Variants in ONECUT2 observed in about 807,000 individuals in gnomAD.
The protein encoded by ONECUT2 is one cut domain family member 2.
In ONECUT2, 10 loss-of-function variants were observed where a neutral mutation model predicts 27.9. That is an observed-to-expected ratio of 0.36 (90% confidence interval 0.22 to 0.61). The LOEUF is 0.61. ONECUT2 is among the 20% of genes least tolerant of loss of function. ONECUT2 has a pLI of 0.73. For missense variants in ONECUT2, 686 were observed against 721.0 expected (o/e 0.95, Z 0.56); for synonymous variants, 334 against 315.1 (o/e 1.06, Z -0.64).
chr18:57,445,333 G>A (rs142240303), intron 1 of ONECUT2, among the ~76,000 whole-genome samples: 1 of 152,228 alleles, frequency 6.6e-6, no homozygotes. Flanking sequence ...TAGAACTTTT[G>A]TTGTGGAGCA....
At position 57,486,292 on chromosome 18, in the gene ONECUT2, G is replaced by A. The variant is rs1439774870; in HGVS notation, c.*9569G>A. 1 of 152,594 alleles carries A rather than the reference G, an allele frequency of 6.6e-6. No individual in the cohort carries two copies. Among genetic ancestry groups the A allele is most frequent in the Non-Finnish European group, 1.5e-5 (1 of 68,070 alleles). The allele number at this position is 152,594 out of a possible 1,614,324, so 9.5% of individuals were successfully genotyped here. A position where few individuals can be genotyped will look rare whatever the true frequency, so the allele number is the denominator to read the frequency against. ...TCCTGTGAATACCTCAGCTTCAACT[G>A]GGCCTCCATACAGTCAGTTGGTGGG... is the stretch of plus-strand genomic sequence containing the variant. On this transcript the variant is annotated 3_prime_UTR_variant, in exon 2 of 2. Transcript: ENST00000491143.
Position 57,435,955 on chromosome 18 carries a change from G to T in ONECUT2, c.239G>T (p.Gly80Val). The stretch of plus-strand genomic sequence containing the variant: ...CGCGGCGCCGCTGGCTCGCTGCGGG[G>T]CCCTCCGCCGCCTCCAACCGCGCAC... The part of the protein sequence containing the change: ...AGRGAAGSLR[G>V]PPPPPTAHQE... The change falls in exon 1 of 2, where the codon GGC (glycine) becomes GTC (valine). Residue 80 changes from glycine to valine, a missense_variant. Coordinates refer to ENST00000491143, the MANE Select transcript of ONECUT2 (RefSeq NM_004852.3). 7.4e-7 allele frequency: 1 copy of T among 1,347,368 alleles called. No homozygotes were observed. Among genetic ancestry groups the T allele is most frequent in the South Asian group, 1.9e-5 (1 of 51,904 alleles). 83.5% of individuals were successfully genotyped at this position (1,347,368 alleles called of 1,614,324 possible).
intron 1 of ONECUT2, among the ~76,000 whole-genome samples, chr18:57,466,900 A>G (rs969210008): frequency 1.3e-5 from 2 of 152,186 alleles, no homozygotes; most frequent in South Asian, 2.1e-4. Context: ...TGCTGGAGAG[A>G]AGCAGAAGTA....
rs1403857646 is a variant in ONECUT2 at position 57,436,227 on chromosome 18, C to G, written c.511C>G (p.His171Asp). Residue 171 changes from histidine to aspartate, a missense_variant, in exon 1 of 2, where the codon CAC (histidine) becomes GAC (aspartate). This residue lies in a region of ONECUT2 where 511 missense variants were observed against 488.1 expected (regional missense o/e 1.05). Transcript: ENST00000491143. The surrounding 1 kb of genome is among the most constrained non-coding windows in gnomAD (Gnocchi z 5.9). The stretch of plus-strand genomic sequence containing the variant: ...CGTGTCTGACAAGTTCCACCACCCT[C>G]ACCCGCACCACCATCCGCACCACCA... ...STVSDKFHHP[H>D]PHHHPHHHHH... is the part of the protein sequence containing the mutation. 6.2e-7 allele frequency: 1 copy of G among 1,603,490 alleles called. No individual in the cohort carries two copies. The highest frequency in any genetic ancestry group is 8.5e-7 in the Non-Finnish European group (1 of 1,177,368).
At chr18:57,449,153 G>A (rs1333570678) in intron 1 of ONECUT2, among the ~76,000 whole-genome samples, 1 of 152,142 alleles carries the variant, frequency 6.6e-6, no homozygotes, top group African/African-American at 2.4e-5. Context: ...CCCTGCTTTT[G>A]TGAAGTTTTC....
At chr18:57,452,961 G>A (rs1280495956) in intron 1 of ONECUT2, among the ~76,000 whole-genome samples, 1 of 152,196 alleles carries the variant, frequency 6.6e-6, no homozygotes, top group Non-Finnish European at 1.5e-5. Flanking sequence ...CAAAATGTTT[G>A]CGCATTTATA....
chr18:57,477,613 G>C lies in ONECUT2; in HGVS notation c.*890G>C, dbSNP rs966243214. 6.6e-6 allele frequency: 1 copy of C among 152,666 alleles called. No individual in the cohort carries two copies. Among genetic ancestry groups the C allele is most frequent in the Non-Finnish European group, 1.5e-5 (1 of 68,046 alleles). The allele number at this position is 152,666 out of a possible 1,614,324, so 9.5% of individuals were successfully genotyped here. On this transcript the variant is annotated 3_prime_UTR_variant, in exon 2 of 2. Coordinates refer to ENST00000491143, the MANE Select transcript of ONECUT2 (RefSeq NM_004852.3). Reference sequence around the variant, plus strand: ...AATATGGCTTCAAGCACATTTTGCAGTTTGCTACAAATTCTGTTGTACATA... The same window carrying C: ...AATATGGCTTCAAGCACATTTTGCACTTTGCTACAAATTCTGTTGTACATA...
intron 1 of ONECUT2, among the ~76,000 whole-genome samples, chr18:57,449,724 C>G (rs139011690): frequency 5.8e-4 from 89 of 152,348 alleles, no homozygotes; most frequent in African/African-American, 2.0e-3. Context: ...CTGTCCATGT[C>G]TTTGCACGTT....
intron 1 of ONECUT2, among the ~76,000 whole-genome samples, chr18:57,457,518 C>T (rs1203987439): frequency 6.6e-6 from 1 of 152,204 alleles, no homozygotes; most frequent in African/African-American, 2.4e-5. Flanking sequence ...CTCTGCTTCC[C>T]TAGACCCCTC....
At position 57,440,002 on chromosome 18, in the gene ONECUT2, G is replaced by GC. The variant is rs574357433; in HGVS notation, c.1228+3060dup. 3.0e-3 allele frequency among the ~76,000 whole-genome samples: 452 copies of GC among 152,362 alleles called. 2 individuals carry two copies. The highest frequency in any genetic ancestry group is 9.7e-3 in the African/African-American group (403 of 41,590). Reference sequence around the variant, plus strand: ...GAGGCAGGTCCTTCCTGCCCAGCCTGCCGGTGTAGTCACAGCCAAGGGTGG... The same window carrying GC: ...GAGGCAGGTCCTTCCTGCCCAGCCTGCCCGGTGTAGTCACAGCCAAGGGTGG... On this transcript the variant is annotated intron_variant, in intron 1 of 1. Coordinates refer to ENST00000491143, the MANE Select transcript of ONECUT2 (RefSeq NM_004852.3).
At chr18:57,446,928 T>C (rs1394225290) in intron 1 of ONECUT2, among the ~76,000 whole-genome samples, 2 of 152,176 alleles carry the variant, frequency 1.3e-5, no homozygotes, top group African/African-American at 4.8e-5. Flanking sequence ...ATTGTGCCAG[T>C]GAGGGCTGTG....
Position 57,436,315 on chromosome 18 carries a change from A to C in ONECUT2, c.599A>C (p.Asp200Ala). Residue 200 changes from aspartate (D) to alanine (A), a missense_variant, in exon 1 of 2, where the codon GAC becomes GCC. By Grantham distance (126) the Asp-to-Ala change is moderately radical (BLOSUM62 -2). Around this residue, in one of 4 missense-constraint regions of ONECUT2, gnomAD observed 511 missense variants for 488.1 expected, o/e 1.05. Coordinates refer to ENST00000491143, the MANE Select transcript of ONECUT2 (RefSeq NM_004852.3). The surrounding 1 kb of genome is among the most constrained non-coding windows in gnomAD (Gnocchi z 5.9). Reference sequence around the variant, plus strand: ...AGCGGCAGCTTCACCCTCATGCGCGACGAGCGCGGGCTCCCGGCCATGAAC... The same window carrying C: ...AGCGGCAGCTTCACCCTCATGCGCGCCGAGCGCGGGCTCCCGGCCATGAAC... ...NVSGSFTLMR[D>A]ERGLPAMNNL... 1 of 1,604,102 alleles carries C rather than the reference A, an allele frequency of 6.2e-7. No homozygotes were observed. The highest frequency in any genetic ancestry group is 1.1e-5 in the South Asian group (1 of 91,010).
chr18:57,438,670 A>G (rs537347140), intron 1 of ONECUT2, among the ~76,000 whole-genome samples: 2 of 152,296 alleles, frequency 1.3e-5, no homozygotes, highest in African/African-American at 4.8e-5. Context: ...CTAAGAAGGT[A>G]AAGAAAACTA....
intron 1 of ONECUT2, among the ~76,000 whole-genome samples, chr18:57,456,352 G>T (rs1345761284): frequency 6.6e-6 from 1 of 152,158 alleles, no homozygotes; most frequent in Non-Finnish European, 1.5e-5. Flanking sequence ...TCATCAAGAG[G>T]TGAATGGATA....
At chr18:57,445,067 A>G (rs749372425) in intron 1 of ONECUT2, among the ~76,000 whole-genome samples, 2 of 152,196 alleles carry the variant, frequency 1.3e-5, no homozygotes, top group Non-Finnish European at 2.9e-5. Context: ...TGCCTAGAGT[A>G]AAAATGTCTC....
chr18:57,466,091 T>C (rs2050319713), intron 1 of ONECUT2, among the ~76,000 whole-genome samples: 1 of 152,178 alleles, frequency 6.6e-6, no homozygotes, highest in Non-Finnish European at 1.5e-5. Flanking sequence ...CCTGCAGTTT[T>C]GTTTTGTTTT....
In ONECUT2 at chr18:57,490,547, T is replaced by C. The variant is rs1598951332; in HGVS notation, c.*13824T>C. 6.6e-6 allele frequency: 1 copy of C among 152,104 alleles called. No individual in the cohort carries two copies. The highest frequency in any genetic ancestry group is 1.9e-4 in the East Asian group (1 of 5,182). The allele number at this position is 152,104 out of a possible 1,614,324, so 9.4% of individuals were successfully genotyped here. ...AAAATTTAAAAAGGGACCCATTAAA[T>C]TATGGGAAAATGGCTATAGAGTGTG... On this transcript the variant is annotated 3_prime_UTR_variant, in exon 2 of 2. Transcript: ENST00000491143.
intron 1 of ONECUT2, among the ~76,000 whole-genome samples, chr18:57,445,023 CT>C (rs778055391): frequency 2.7e-4 from 41 of 151,292 alleles, no homozygotes; most frequent in Middle Eastern, 3.4e-3. Flanking sequence ...CATTTGGCAT[CT>C]TTTTTTTTAT....
chr18:57,467,366 TTG>T (rs1419036220), intron 1 of ONECUT2: 6 of 311,964 alleles, frequency 1.9e-5, no homozygotes, highest in East Asian at 1.8e-4. Flanking sequence ...GTTTGTTTGT[TTG>T]TTTGTTTTTT....
Sources: gnomAD v4.1 joint callset for allele counts (sites outside exome capture counted in the v4.1 genomes callset) on GRCh38, gnomAD v4.1.1 for gene constraint, gnomAD v4.1.1 regional missense constraint, Gnocchi (gnomAD v3.1) non-coding constraint, MANE v1.5 for transcripts, NCBI Gene and HGNC (gene_info 2026-07-23, HGNC 2026-07-21) for gene names.